Variants in RAB9B observed in about 807,000 individuals in gnomAD.
RAB9B encodes RAB9B, member RAS oncogene family.
A neutral mutation model predicts 8.9 loss-of-function variants in RAB9B; 1 was observed. The ratio of observed to expected loss-of-function variants is 0.11; its 90% CI spans 0.04 to 0.53. RAB9B has a LOEUF of 0.53. Among genes scored for constraint, RAB9B ranks in the 20% least tolerant of loss-of-function variants. The pLI is 0.93. For missense variants in RAB9B, 82 were observed against 152.9 expected (o/e 0.54, Z 2.45); for synonymous variants, 63 against 57.0 (o/e 1.10, Z -0.47).
rs2074672932 is a variant in RAB9B, at chrX:103,823,890, T to A, written c.*1289A>T. The stretch of plus-strand genomic sequence containing the variant: ...TTTTTAAAGTCCCTCTCCATAGTCT[T>A]AGCTGTTATCATCAGATAAATCTAA... On this transcript the variant is annotated 3_prime_UTR_variant, in exon 3 of 3. Transcript: ENST00000243298. 8.9e-6 allele frequency: 1 copy of A among 112,511 alleles called. No individual in the cohort carries two copies. Among genetic ancestry groups the A allele is most frequent in the Non-Finnish European group, 1.9e-5 (1 of 53,298 alleles). The allele number at this position is 112,511 out of a possible 1,213,427, so 9.3% of individuals were successfully genotyped here. A position where few individuals can be genotyped will look rare whatever the true frequency, so the allele number is the denominator to read the frequency against.
chrX:103,797,793 A>G, the RAB9B span, among the ~76,000 whole-genome samples: 1 of 155 alleles, frequency 6.5e-3, no homozygotes, highest in East Asian at 0.17. Context: ...TGCCTATTTC[A>G]GGTTCACATT....
the RAB9B span, among the ~76,000 whole-genome samples, chrX:103,796,962 G>C: frequency 9.3e-6 from 1 of 107,554 alleles, no homozygotes; most frequent in Admixed American, 1.0e-4. Flanking sequence ...CAGAGGCTGC[G>C]GGTGCAGTGA....
chrX:103,784,478 ACCT>A, the RAB9B span, among the ~76,000 whole-genome samples: 1 of 111,151 alleles, frequency 9.0e-6, no homozygotes, highest in Non-Finnish European at 1.9e-5. Context: ...GTAATATCAA[ACCT>A]CCTATTTTCC....
In RAB9B at chrX:103,825,528, G is replaced by A. The variant is rs747849601; in HGVS notation, c.257C>T (p.Thr86Ile). ...GCTCTGCCGATCATCCACGCTGAAG[G>A]TCAAGAGGCAGCAGTCTGCTCCCCT... Reference protein sequence around the residue: ...FYRGADCCLLTFSVDDRQSFE... With the variant: ...FYRGADCCLLIFSVDDRQSFE... Residue 86 changes from threonine (T) to isoleucine (I), a missense_variant, in exon 3 of 3, where the codon ACC (threonine) becomes ATC (isoleucine). Transcript: ENST00000243298. The A allele has an allele frequency of 2.5e-6, 3 of 1,211,750 alleles. No homozygotes were observed. Among genetic ancestry groups the A allele is most frequent in the Non-Finnish European group, 3.3e-6 (3 of 895,558 alleles).
the RAB9B span, among the ~76,000 whole-genome samples, chrX:103,795,312 A>T: frequency 1.8e-5 from 2 of 111,679 alleles, no homozygotes; most frequent in Non-Finnish European, 3.8e-5. Context: ...ATGCAATGGT[A>T]TTTAAGATTG....
intron 1 of RAB9B, among the ~76,000 whole-genome samples, chrX:103,831,508 A>C (rs1367945762): frequency 1.0e-5 from 1 of 97,820 alleles, no homozygotes; most frequent in African/African-American, 3.8e-5. Flanking sequence ...TATAAGCCCA[A>C]AGGCACACTA....
At chrX:103,794,821 C>T in the RAB9B span, among the ~76,000 whole-genome samples, 1 of 112,136 alleles carries the variant, frequency 8.9e-6, no homozygotes, top group Non-Finnish European at 1.9e-5. Flanking sequence ...CTCGTTCACT[C>T]ACTTGTTTGA....
At chrX:103,814,465 A>C in the RAB9B span, among the ~76,000 whole-genome samples, 1 of 111,899 alleles carries the variant, frequency 8.9e-6, no homozygotes. Flanking sequence ...TATAGCACTA[A>C]ATGTCCACAA....
At chrX:103,829,352 G>A (rs1013533536) in intron 1 of RAB9B, among the ~76,000 whole-genome samples, 2 of 111,974 alleles carry the variant, frequency 1.8e-5, no homozygotes, top group Non-Finnish European at 3.8e-5. Context: ...CCTATTGTGT[G>A]TTGTGTCCTT....
At chrX:103,786,769 GAA>G in the RAB9B span, 4 of 1,190,282 alleles carry the variant, frequency 3.4e-6, no homozygotes, top group Non-Finnish European at 4.6e-6. Flanking sequence ...AGGGGTGGGG[GAA>G]AATTGGGCGC....
At chrX:103,812,442 C>T in the RAB9B span, among the ~76,000 whole-genome samples, 1 of 111,558 alleles carries the variant, frequency 9.0e-6, no homozygotes, top group African/African-American at 3.3e-5. Context: ...GTAGTAGGAT[C>T]TTGGTGATCC....
At chrX:103,776,700 A>G in the RAB9B span, 49 of 312,235 alleles carry the variant, frequency 1.6e-4, no homozygotes, top group Non-Finnish European at 2.2e-4. Flanking sequence ...ATTGGCAGTG[A>G]AAGGCAGAAA....
the RAB9B span, among the ~76,000 whole-genome samples, chrX:103,777,958 A>C: frequency 8.9e-6 from 1 of 112,637 alleles, no homozygotes; most frequent in South Asian, 3.7e-4. Context: ...AGTAGACAAC[A>C]TCCACAGAGA....
the RAB9B span, chrX:103,792,096 T>C: frequency 9.0e-6 from 1 of 111,206 alleles, no homozygotes; most frequent in East Asian, 2.8e-4. Context: ...TTCAGTCTTT[T>C]CCTGTTTTTG....
the RAB9B span, chrX:103,785,567 C>T: frequency 1.7e-6 from 2 of 1,204,063 alleles, no homozygotes; most frequent in Non-Finnish European, 2.2e-6. Flanking sequence ...ACTGTTTCCC[C>T]TTCTTCTTCC....
the RAB9B span, among the ~76,000 whole-genome samples, chrX:103,809,463 G>T: frequency 2.7e-5 from 3 of 111,756 alleles, no homozygotes; most frequent in African/African-American, 9.8e-5. Flanking sequence ...ACCACACCCG[G>T]CTAATTTTGT....
At chrX:103,831,685 T>C (rs111559592) in intron 1 of RAB9B, among the ~76,000 whole-genome samples, 1 of 108,512 alleles carries the variant, frequency 9.2e-6, no homozygotes, top group African/African-American at 3.4e-5. Context: ...ACTGTTAGCA[T>C]TACGGACCTA....
At chrX:103,799,357 C>T in the RAB9B span, among the ~76,000 whole-genome samples, 2 of 111,302 alleles carry the variant, frequency 1.8e-5, no homozygotes, top group African/African-American at 6.5e-5. Context: ...ATTTCCTTGA[C>T]AAATCAGCAG....
At chrX:103,784,086 C>T in the RAB9B span, among the ~76,000 whole-genome samples, 11 of 112,064 alleles carry the variant, frequency 9.8e-5, no homozygotes, top group Non-Finnish European at 2.1e-4. Context: ...ATCTACTTGG[C>T]ATTTGCTAAG....
Sources: allele counts gnomAD v4.1 joint callset (sites outside exome capture counted in the v4.1 genomes callset), GRCh38; gene constraint gnomAD v4.1.1; transcripts MANE v1.5; gene names NCBI Gene and HGNC (gene_info 2026-07-23, HGNC 2026-07-21).